The following CUX1 variants were observed in gnomAD, a reference collection of about 807,000 sequenced individuals.
CUX1 encodes the protein protein CASP.
A neutral mutation model predicts 158.8 loss-of-function variants in CUX1; 31 were observed. The ratio of observed to expected loss-of-function variants is 0.20; its 90% CI spans 0.15 to 0.26. The LOEUF is 0.26. Ranked by LOEUF, CUX1 falls within the 10% of genes least tolerant of loss-of-function variation. The pLI, the probability that CUX1 is intolerant of heterozygous loss-of-function variation, is 1.00. For missense variants in CUX1, 1,589 were observed against 2,014.6 expected, an observed-to-expected ratio of 0.79 and a Z score of 4.04; for synonymous variants, 879 against 862.1, an observed-to-expected ratio of 1.02 and a Z score of -0.34.
At position 102,095,435 on chromosome 7, in the gene CUX1, C is replaced by T. The variant is rs188796965; in HGVS notation, c.269-1929C>T. ...TGTGTATACGTGCAGAGTAAGTGCC[C>T]AGCAGCCAGGGATTCTGCATGATGG... On this transcript the variant is annotated intron_variant, in intron 4 of 23. Transcript: ENST00000292535. Among the ~76,000 whole-genome samples, 537 of 152,242 alleles carry T rather than the reference C, an allele frequency of 3.5e-3. 1 individual carries two copies. Among genetic ancestry groups the T allele is most frequent in the Non-Finnish European group, 5.7e-3 (391 of 68,014 alleles).
intron 18 of CUX1, among the ~76,000 whole-genome samples, chr7:102,279,301 A>G (rs556304331): frequency 1.3e-5 from 2 of 152,322 alleles, no homozygotes; most frequent in East Asian, 3.9e-4. Flanking sequence ...AGGTCACACC[A>G]TTGCACTCCA....
In CUX1 at chr7:102,255,006, G is replaced by C; in HGVS notation, c.*5964G>C. 1 of 985,510 alleles carries C rather than the reference G, an allele frequency of 1.0e-6. No individual in the cohort carries two copies. Among genetic ancestry groups the C allele is most frequent in the Non-Finnish European group, 1.2e-6 (1 of 830,016 alleles). The allele number at this position is 985,510 out of a possible 1,614,324, so 61.0% of individuals were successfully genotyped here. On this transcript the variant is annotated 3_prime_UTR_variant, in exon 24 of 24. Transcript: ENST00000292535. ...GAAAGTTAAGTCCACCAACCCTTGG[G>C]CTTAATCAGGACGGAAGAGGAGGGG...
chr7:102,251,718 A>G lies in CUX1; in HGVS notation c.*2676A>G. On this transcript the variant is annotated 3_prime_UTR_variant, in exon 24 of 24. Coordinates refer to ENST00000292535, the MANE Select transcript of CUX1 (RefSeq NM_181552.4). ...CTGACGACTGTGGTGTCCTCTCCACAAAACCCTCAAGGGACTTTTGTCATC... is the reference window on the plus strand; with the variant it reads ...CTGACGACTGTGGTGTCCTCTCCACGAAACCCTCAAGGGACTTTTGTCATC... 1 of 985,428 alleles carries G rather than the reference A, an allele frequency of 1.0e-6. No homozygotes were observed. Among genetic ancestry groups the G allele is most frequent in the Non-Finnish European group, 1.2e-6 (1 of 829,926 alleles). 61.0% of individuals were successfully genotyped at this position (985,428 alleles called of 1,614,324 possible).
intron 8 of CUX1, among the ~76,000 whole-genome samples, chr7:102,139,593 G>A (rs566786816): frequency 2.6e-5 from 4 of 152,118 alleles, no homozygotes; most frequent in Non-Finnish European, 4.4e-5. Context: ...ACAGAAATTC[G>A]AGACAGGCTG....
intron 8 of CUX1, among the ~76,000 whole-genome samples, chr7:102,121,749 C>T (rs1832071564): frequency 6.6e-6 from 1 of 152,102 alleles, no homozygotes; most frequent in Non-Finnish European, 1.5e-5. Flanking sequence ...GTGCTCATTG[C>T]ATGGATGAGG....
chr7:102,249,842 A>G lies in CUX1; in HGVS notation c.*800A>G. 1 of 985,676 alleles carries G rather than the reference A, an allele frequency of 1.0e-6. No homozygotes were observed. Among genetic ancestry groups the G allele is most frequent in the Non-Finnish European group, 1.2e-6 (1 of 829,744 alleles). 61.1% of individuals were successfully genotyped at this position (985,676 alleles called of 1,614,324 possible). A position where few individuals can be genotyped will look rare whatever the true frequency, so the allele number is the denominator to read the frequency against. ...TCGTTTGAAACTTTGAATTAAAATAAAACACATTTACTCCACATATTTTTT... is the reference window on the plus strand; with the variant it reads ...TCGTTTGAAACTTTGAATTAAAATAGAACACATTTACTCCACATATTTTTT... On this transcript the variant is annotated 3_prime_UTR_variant, in exon 24 of 24. Transcript: ENST00000292535.
chr7:102,121,346 T>C (rs1168156292), intron 8 of CUX1, among the ~76,000 whole-genome samples: 2 of 139,708 alleles, frequency 1.4e-5, no homozygotes, highest in Non-Finnish European at 3.1e-5. Flanking sequence ...TTTTGCTTTT[T>C]GGTTTTTTTT....
chr7:102,283,661 C>T (rs1291240721), exon 23 of CUX1: 1 of 153,154 alleles, frequency 6.5e-6, no homozygotes, highest in Non-Finnish European at 1.5e-5. Flanking sequence ...GAGCCCCAGC[C>T]AGCGGAACAG....
chr7:101,867,377 ACTCTGTGCACT>A (rs1358152487), intron 1 of CUX1, among the ~76,000 whole-genome samples: 1 of 152,094 alleles, frequency 6.6e-6, no homozygotes, highest in African/African-American at 2.4e-5. Flanking sequence ...GGAGGTGCTC[ACTCTGTGCACT>A]CTGAATCCCA....
Position 101,817,656 on chromosome 7 carries a change from G to T in CUX1, c.17G>T (p.Gly6Val). The change falls in exon 1 of 24, where the codon GGA becomes GTA. Residue 6 changes from glycine to valine, a missense_variant. Physicochemically the swap from Gly to Val is moderately radical, Grantham distance 109. Around this residue, in one of 8 missense-constraint regions of CUX1, gnomAD observed 63 missense variants for 109.2 expected, o/e 0.58. Coordinates refer to ENST00000292535, the MANE Select transcript of CUX1 (RefSeq NM_181552.4). This position sits in a 1 kb window ranked among gnomAD's most constrained non-coding sequence, Gnocchi z 4.1. MLCVA[G>V]ARLKRELDAT... ...GCCAGGTGGATGTTGTGCGTAGCCG[G>T]AGCCAGGTTGAAGGTGAGCGGCGTG... 6.4e-7 allele frequency: 1 copy of T among 1,552,314 alleles called. No homozygotes were observed.
chr7:102,161,690 A>C (rs1010609487), intron 9 of CUX1, among the ~76,000 whole-genome samples: 3 of 152,198 alleles, frequency 2.0e-5, no homozygotes, highest in Non-Finnish European at 2.9e-5. Context: ...AGCTCACTGC[A>C]TCCTCCACCT....
intron 8 of CUX1, among the ~76,000 whole-genome samples, chr7:102,152,031 A>G (rs919883573): frequency 6.6e-6 from 1 of 152,060 alleles, no homozygotes; most frequent in Non-Finnish European, 1.5e-5. Context: ...ACATAGCAAG[A>G]TCAACTTTGT....
At chr7:101,894,400 G>A (rs1440603074) in intron 1 of CUX1, among the ~76,000 whole-genome samples, 1 of 152,138 alleles carries the variant, frequency 6.6e-6, no homozygotes, top group Non-Finnish European at 1.5e-5. Flanking sequence ...TGCAAGCTCC[G>A]CCTCCTGGGT....
chr7:102,083,446 A>G lies in CUX1; in HGVS notation c.268+13029A>G, dbSNP rs1054436952. On this transcript the variant is annotated intron_variant, in intron 4 of 23. Coordinates refer to ENST00000292535, the MANE Select transcript of CUX1 (RefSeq NM_181552.4). ...CTCAGTCTCTCGAGTAGCTGGGACT[A>G]CAGGCATGTGCCACCACACCCGATT... 3.3e-4 allele frequency among the ~76,000 whole-genome samples: 49 copies of G among 146,880 alleles called. 3 individuals are homozygous for G. In the Admixed American group the frequency reaches 3.4e-3, roughly 10 times the overall value.
At chr7:102,071,750 G>A (rs971192512) in intron 4 of CUX1, among the ~76,000 whole-genome samples, 5 of 152,256 alleles carry the variant, frequency 3.3e-5, no homozygotes, top group African/African-American at 7.2e-5. Flanking sequence ...CACCAAACAC[G>A]GGATGGCAGA....
Position 102,274,242 on chromosome 7 carries a change from A to G in CUX1, c.1384-2A>G. The G allele has an allele frequency of 6.2e-7, 1 of 1,613,160 alleles. No homozygotes were observed. The highest frequency in any genetic ancestry group is 1.3e-5 in the African/African-American group (1 of 75,050). On this transcript the variant is annotated splice_acceptor_variant, in intron 15 of 22. Coordinates refer to the CUX1 transcript ENST00000292538. LOFTEE classifies it high-confidence loss of function. ...CTCCTCATCGCTTCCTGTCACCTGC[A>G]GGGTGCCGCTGAGCACCGCCTGGAG...
intron 8 of CUX1, among the ~76,000 whole-genome samples, chr7:102,146,268 T>C (rs1291996771): frequency 6.6e-6 from 1 of 152,136 alleles, no homozygotes; most frequent in African/African-American, 2.4e-5. Flanking sequence ...AGCTGTCCCA[T>C]GTTCCCTGCC....
intron 2 of CUX1, among the ~76,000 whole-genome samples, chr7:101,942,365 C>T (rs955349919): frequency 2.6e-5 from 4 of 152,200 alleles, no homozygotes; most frequent in African/African-American, 9.6e-5. Context: ...CCAGTTTCTG[C>T]AGGTGTGTCT....
In CUX1 at chr7:102,252,187, A is replaced by C. The variant is rs1801586990; in HGVS notation, c.*3145A>C. ...ATGTGAAGCTAGCACTGTCTGTAAT[A>C]CTTCTAAGAGCTGCCACTAAAATAA... On this transcript the variant is annotated 3_prime_UTR_variant, in exon 24 of 24. Transcript: ENST00000292535. 1.0e-6 allele frequency: 1 copy of C among 985,276 alleles called. No individual in the cohort carries two copies. The highest frequency in any genetic ancestry group is 1.2e-6 in the Non-Finnish European group (1 of 829,934). 61.0% of individuals were successfully genotyped at this position (985,276 alleles called of 1,614,324 possible).
Sources: gnomAD v4.1 joint callset for allele counts (sites outside exome capture counted in the v4.1 genomes callset) on GRCh38, gnomAD v4.1.1 for gene constraint, gnomAD v4.1.1 regional missense constraint, Gnocchi (gnomAD v3.1) non-coding constraint, MANE v1.5 for transcripts, NCBI Gene and HGNC (gene_info 2026-07-23, HGNC 2026-07-21) for gene names.